FGD3: variants seen among roughly 807,000 people sequenced by gnomAD.
FGD3 encodes FYVE, RhoGEF and PH domain-containing protein 3.
FGD3 carries 45 observed loss-of-function variants against 71.8 expected under a neutral mutation model. The ratio of observed to expected loss-of-function variants is 0.63; its 90% confidence interval spans 0.49 to 0.80. FGD3 has a LOEUF of 0.80. Ranked by LOEUF, FGD3 falls within the 30% of genes least tolerant of loss-of-function variation. FGD3 has a pLI of 0.00. For synonymous variants in FGD3, 378 were observed against 392.8 expected, an observed-to-expected ratio of 0.96 and a Z score of 0.44; for missense variants, 844 against 951.5, an observed-to-expected ratio of 0.89 and a Z score of 1.49.
At chr9:93,012,713 T>C (rs1234600828) in intron 8 of FGD3, among the ~76,000 whole-genome samples, 1 of 148,570 alleles carries the variant, frequency 6.7e-6, no homozygotes, top group South Asian at 2.1e-4. Context: ...GAAGAATCAA[T>C]CTACATAGAA....
chr9:93,027,715 C>CTTTTTTTTTTTTTTTTT lies in FGD3; in HGVS notation c.1558-2153_1558-2137dup, dbSNP rs1199094054. ...GTTCAGTTCATCTTTTTCTTTCTTTCTTTTTTTTTTTTTTTTTTTTTTGAG... is the reference window on the plus strand; with the variant it reads ...GTTCAGTTCATCTTTTTCTTTCTTTCTTTTTTTTTTTTTTTTTTTTTTTTTTTTTTTTTTTTTTTGAG... On this transcript the variant is annotated intron_variant, in intron 14 of 17. Transcript: ENST00000375482. Among the ~76,000 whole-genome samples the CTTTTTTTTTTTTTTTTT allele has an allele frequency of 3.1e-4, 32 of 102,002 alleles. 1 individual carries two copies. The highest frequency in any genetic ancestry group is 6.0e-4 in the African/African-American group (15 of 24,930). The allele number at this position is 102,002 out of a possible 152,430, so 66.9% of individuals were successfully genotyped here.
At chr9:93,012,234 TC>T (rs1249419404) in intron 8 of FGD3, among the ~76,000 whole-genome samples, 2 of 152,198 alleles carry the variant, frequency 1.3e-5, no homozygotes, top group East Asian at 3.9e-4. Context: ...TCCATTATGT[TC>T]CAGGTACTTT....
intron 6 of FGD3, 32 bp from the exon 7 acceptor site, chr9:93,010,214 T>G: frequency 6.3e-7 from 1 of 1,580,448 alleles, no homozygotes; most frequent in Middle Eastern, 1.7e-4. Flanking sequence ...CACGTGTCCT[T>G]GGAGTGCCCA....
chr9:93,035,260 G>A, intron 17 of FGD3, 78 bp from the exon 18 acceptor site: 2 of 1,535,202 alleles, frequency 1.3e-6, no homozygotes, highest in East Asian at 2.3e-5. Context: ...GTGGCCTCCT[G>A]GGAGAGGCCC....
At chr9:92,971,580 T>C (rs1480481236) in intron 1 of FGD3, among the ~76,000 whole-genome samples, 3 of 134,358 alleles carry the variant, frequency 2.2e-5, no homozygotes, top group Non-Finnish European at 4.8e-5. Context: ...TTTTTTTTTT[T>C]TTTTTTTTTT....
At chr9:92,963,136 G>A (rs905216741) in intron 1 of FGD3, among the ~76,000 whole-genome samples, 2 of 151,836 alleles carry the variant, frequency 1.3e-5, no homozygotes, top group Admixed American at 6.6e-5. Flanking sequence ...GGGAGGGAGG[G>A]GCACACCACT....
chr9:92,984,921 A>T (rs1441413480), intron 3 of FGD3, among the ~76,000 whole-genome samples: 3 of 151,728 alleles, frequency 2.0e-5, no homozygotes, highest in Non-Finnish European at 4.4e-5. Context: ...TCTTGAACCC[A>T]AAGGGAAATT....
At chr9:93,001,177 C>A (rs1416740626) in intron 3 of FGD3, among the ~76,000 whole-genome samples, 1 of 152,118 alleles carries the variant, frequency 6.6e-6, no homozygotes, top group Non-Finnish European at 1.5e-5. Flanking sequence ...TCACTTTGTT[C>A]ATGCATCATT....
At chr9:92,977,055 A>T (rs115922835) in intron 3 of FGD3, among the ~76,000 whole-genome samples, 2,997 of 152,240 alleles carry the variant, frequency 0.02, 114 homozygotes, top group African/African-American at 0.068. Flanking sequence ...CTCACTGCTG[A>T]CTTTATGAAA....
At chr9:93,026,551 C>T (rs1466414892) in intron 14 of FGD3, among the ~76,000 whole-genome samples, 1 of 152,222 alleles carries the variant, frequency 6.6e-6, no homozygotes, top group Non-Finnish European at 1.5e-5. Context: ...CCAGGACCCA[C>T]CCCAAGTGCT....
chr9:92,973,659 C>T (rs1022567939), intron 1 of FGD3, among the ~76,000 whole-genome samples: 3 of 152,192 alleles, frequency 2.0e-5, no homozygotes, highest in Non-Finnish European at 4.4e-5. Context: ...CGCAATGCCC[C>T]GTGACCTGTG....
chr9:92,959,723 A>AAG (rs1859134537), intron 1 of FGD3, among the ~76,000 whole-genome samples: 1 of 151,522 alleles, frequency 6.6e-6, no homozygotes, highest in African/African-American at 2.4e-5. Context: ...AAAAAAAAAA[A>AAG]AAAAATCAGC....
Position 93,013,971 on chromosome 9 carries a change from C to T in FGD3, c.1155C>T (p.Gly385=), listed in dbSNP as rs749918320. ...GQIQKLSAKN[G]TPQDRHLFLF... Reference sequence around the variant, plus strand: ...TCCAGAAACTGTCAGCCAAGAACGGCACCCCCCAGGACCGCCACCTCTTCC... The same window carrying T: ...TCCAGAAACTGTCAGCCAAGAACGGTACCCCCCAGGACCGCCACCTCTTCC... The change falls in exon 9 of 18, where the codon GGC becomes GGT. Residue 385 remains glycine, a synonymous_variant. Transcript: ENST00000375482. 1.2e-6 allele frequency: 2 copies of T among 1,611,040 alleles called. No homozygotes were observed. Among genetic ancestry groups the T allele is most frequent in the Non-Finnish European group, 1.7e-6 (2 of 1,178,846 alleles).
intron 14 of FGD3, among the ~76,000 whole-genome samples, chr9:93,026,071 T>C (rs1862102644): frequency 6.6e-6 from 1 of 152,276 alleles, no homozygotes; most frequent in Non-Finnish European, 1.5e-5. Flanking sequence ...TCAGGGCCTC[T>C]TACTGGGCTC....
chr9:93,019,984 C>A, intron 12 of FGD3, 123 bp downstream of exon 12: 1 of 999,682 alleles, frequency 1.0e-6, no homozygotes, highest in Non-Finnish European at 1.6e-6. Flanking sequence ...CTGTACCCTG[C>A]AGGGATGCAG....
At chr9:92,956,945 C>T (rs1316921871) in intron 1 of FGD3, among the ~76,000 whole-genome samples, 1 of 149,186 alleles carries the variant, frequency 6.7e-6, no homozygotes, top group African/African-American at 2.5e-5. Flanking sequence ...CTCAAGCAGT[C>T]TCCTGCCTCA....
chr9:92,959,200 A>G (rs1859121211), intron 1 of FGD3, among the ~76,000 whole-genome samples: 1 of 152,188 alleles, frequency 6.6e-6, no homozygotes, highest in Non-Finnish European at 1.5e-5. Context: ...ACCTCAGGCA[A>G]TCCGCCCACC....
At chr9:92,997,419 CTT>C (rs1435168874) in intron 3 of FGD3, among the ~76,000 whole-genome samples, 2 of 152,158 alleles carry the variant, frequency 1.3e-5, no homozygotes, top group African/African-American at 2.4e-5. Flanking sequence ...GGTCTTGACT[CTT>C]TATCCAATTT....
intron 1 of FGD3, among the ~76,000 whole-genome samples, chr9:92,954,226 C>T (rs187829604): frequency 1.3e-5 from 2 of 152,264 alleles, no homozygotes; most frequent in African/African-American, 2.4e-5. Flanking sequence ...GGAGCCTGAA[C>T]GCTGACAAAG....
Sources: allele counts gnomAD v4.1 joint callset (sites outside exome capture counted in the v4.1 genomes callset), GRCh38; gene constraint gnomAD v4.1.1; transcripts MANE v1.5; gene names NCBI Gene and HGNC (gene_info 2026-07-23, HGNC 2026-07-21).